CDC40: variants seen among roughly 807,000 people sequenced by gnomAD.
The protein encoded by CDC40 is pre-mRNA-processing factor 17.
In CDC40, 27 loss-of-function variants were observed where a neutral mutation model predicts 80.6. That is an observed-to-expected ratio of 0.33 (90% CI 0.25 to 0.46). The LOEUF is 0.46. CDC40 is among the 20% of genes least tolerant of loss of function. The pLI, the probability that CDC40 is intolerant of heterozygous loss-of-function variation, is 1.00. For synonymous variants in CDC40, 221 were observed against 232.6 expected (o/e 0.95, Z 0.45); for missense variants, 486 against 694.1 (o/e 0.70, Z 3.37).
intron 2 of CDC40, among the ~76,000 whole-genome samples, chr6:110,198,361 G>C (rs1777446379): frequency 6.6e-6 from 1 of 151,944 alleles, no homozygotes. Flanking sequence ...ATTTTTCATA[G>C]AGATAGGGTT....
chr6:110,198,062 G>T (rs1777441475), intron 2 of CDC40, among the ~76,000 whole-genome samples: 1 of 151,730 alleles, frequency 6.6e-6, no homozygotes, highest in African/African-American at 2.4e-5. Flanking sequence ...GCCAACACTT[G>T]TTACCCTTTA....
intron 12 of CDC40, among the ~76,000 whole-genome samples, chr6:110,225,478 C>G (rs1256891341): frequency 7.1e-6 from 1 of 140,820 alleles, no homozygotes; most frequent in Non-Finnish European, 1.5e-5. Context: ...TGTTTTTTCT[C>G]CTTCACCAAA....
chr6:110,228,568 T>G (rs1019412678), intron 13 of CDC40, among the ~76,000 whole-genome samples: 2 of 152,090 alleles, frequency 1.3e-5, no homozygotes, highest in Non-Finnish European at 2.9e-5. Context: ...AATTTCTATA[T>G]TTCCTTATTT....
intron 2 of CDC40, among the ~76,000 whole-genome samples, chr6:110,198,503 A>C (rs1289511365): frequency 6.6e-6 from 1 of 152,090 alleles, no homozygotes; most frequent in Non-Finnish European, 1.5e-5. Context: ...ATGTCTTTTG[A>C]GGAATGCTGA....
intron 2 of CDC40, among the ~76,000 whole-genome samples, chr6:110,197,296 T>A (rs1429252276): frequency 6.6e-6 from 1 of 152,240 alleles, no homozygotes; most frequent in Non-Finnish European, 1.5e-5. Context: ...TACATACTTT[T>A]TAATAAATTA....
chr6:110,187,547 A>G (rs551671705), intron 1 of CDC40, among the ~76,000 whole-genome samples: 2 of 152,228 alleles, frequency 1.3e-5, no homozygotes, highest in South Asian at 4.1e-4. Flanking sequence ...CTGTTCTTTT[A>G]TATCATTCAC....
chr6:110,181,306 C>T (rs1467138528), intron 1 of CDC40, among the ~76,000 whole-genome samples: 1 of 152,130 alleles, frequency 6.6e-6, no homozygotes, highest in African/African-American at 2.4e-5. Context: ...CAAGAGTTTC[C>T]AGGCAGAGGT....
At chr6:110,200,597 G>C (rs1218225824) in intron 2 of CDC40, among the ~76,000 whole-genome samples, 1 of 152,026 alleles carries the variant, frequency 6.6e-6, no homozygotes, top group Non-Finnish European at 1.5e-5. Context: ...AATATATTCT[G>C]GTAATTTTTT....
intron 12 of CDC40, among the ~76,000 whole-genome samples, chr6:110,225,275 T>C (rs961028534): frequency 6.6e-6 from 1 of 152,010 alleles, no homozygotes; most frequent in Non-Finnish European, 1.5e-5. Flanking sequence ...ATTCATCAGA[T>C]TACAAAAAAA....
intron 9 of CDC40, among the ~76,000 whole-genome samples, chr6:110,216,694 T>C (rs963795650): frequency 5.3e-5 from 8 of 152,196 alleles, no homozygotes; most frequent in African/African-American, 1.9e-4. Flanking sequence ...GGTTAACAAT[T>C]TGTGCCATGC....
chr6:110,210,959 C>T (rs375822103), intron 6 of CDC40, 156 bp downstream of exon 6: 3 of 332,890 alleles, frequency 9.0e-6, no homozygotes, highest in Admixed American at 5.0e-5. Context: ...AAGGAAATTA[C>T]AGCAGACTTC....
At chr6:110,186,483 CATAA>C (rs142888515) in intron 1 of CDC40, among the ~76,000 whole-genome samples, 23 of 151,400 alleles carry the variant, frequency 1.5e-4, no homozygotes, top group African/African-American at 3.4e-4. Flanking sequence ...GACCCTGTCT[CATAA>C]ATAAATAAAT....
At chr6:110,210,607 A>T (rs1201893802) in intron 5 of CDC40, 100 bp from the exon 6 acceptor site, 4 of 410,714 alleles carry the variant, frequency 9.7e-6, no homozygotes, top group Non-Finnish European at 1.7e-5. Context: ...ACATACTCGG[A>T]CCAGATATGT....
rs761394492 is a variant in CDC40, at chr6:110,219,357, G to C, written c.1091-7G>C. Reference sequence around the variant, plus strand: ...TTTACCTATTTAATTTGAGTCTTTGGTTTTAGGACAGTGTATATCAAGATT... The same window carrying C: ...TTTACCTATTTAATTTGAGTCTTTGCTTTTAGGACAGTGTATATCAAGATT... On this transcript the variant is annotated splice_region_variant and splice_polypyrimidine_tract_variant and intron_variant, in intron 10 of 14. Coordinates refer to ENST00000307731, the MANE Select transcript of CDC40 (RefSeq NM_015891.3). The C allele has an allele frequency of 7.6e-7, 1 of 1,323,698 alleles. No individual in the cohort carries two copies. The highest frequency in any genetic ancestry group is 1.2e-5 in the South Asian group (1 of 83,194). The allele number at this position is 1,323,698 out of a possible 1,614,324, so 82.0% of individuals were successfully genotyped here.
At chr6:110,198,756 C>T (rs2114655355) in intron 2 of CDC40, among the ~76,000 whole-genome samples, 1 of 152,270 alleles carries the variant, frequency 6.6e-6, no homozygotes, top group African/African-American at 2.4e-5. Context: ...TATACATTCA[C>T]ATTTATGTTA....
At chr6:110,184,588 AT>A (rs1198577666) in intron 1 of CDC40, among the ~76,000 whole-genome samples, 1 of 149,618 alleles carries the variant, frequency 6.7e-6, no homozygotes, top group Non-Finnish European at 1.5e-5. Flanking sequence ...ATATGACAGT[AT>A]TTTTTCTTTC....
At chr6:110,219,941 G>C in intron 12 of CDC40, 72 bp downstream of exon 12, 2 of 1,481,766 alleles carry the variant, frequency 1.3e-6, no homozygotes, top group East Asian at 2.3e-5. Flanking sequence ...CAAAGATGAA[G>C]CCTGATAATA....
intron 2 of CDC40, among the ~76,000 whole-genome samples, chr6:110,200,430 A>G (rs992110917): frequency 5.9e-5 from 9 of 151,386 alleles, no homozygotes; most frequent in African/African-American, 2.0e-4. Flanking sequence ...ATTCATCATG[A>G]CGGTGGGTCT....
chr6:110,215,365 G>A (rs1383176620), intron 9 of CDC40, 34 bp downstream of exon 9: 1 of 1,559,572 alleles, frequency 6.4e-7, no homozygotes, highest in Non-Finnish European at 8.8e-7. Context: ...ATAAATCTGG[G>A]AAGAATTTTT....
Sources: allele counts gnomAD v4.1 joint callset (sites outside exome capture counted in the v4.1 genomes callset), GRCh38; gene constraint gnomAD v4.1.1; transcripts MANE v1.5; gene names NCBI Gene and HGNC (gene_info 2026-07-23, HGNC 2026-07-21).